ADK: variants seen among roughly 807,000 people sequenced by gnomAD.
ADK encodes the protein adenosine kinase.
ADK carries 24 observed loss-of-function variants against 44.7 expected under a neutral mutation model. The ratio of observed to expected loss-of-function variants is 0.54; its 90% CI spans 0.39 to 0.76. The LOEUF is 0.76. ADK is among the 30% of genes least tolerant of loss of function. The probability of loss-of-function intolerance (pLI) is 0.00; values close to 1 mark genes in which losing one functional copy is unlikely to be tolerated. For missense variants in ADK, 321 were observed against 425.1 expected (o/e 0.76, Z 2.15); for synonymous variants, 128 against 142.6 (o/e 0.90, Z 0.73).
intron 3 of ADK, among the ~76,000 whole-genome samples, chr10:74,255,499 A>G (rs1028992954): frequency 6.6e-6 from 1 of 152,210 alleles, no homozygotes; most frequent in Non-Finnish European, 1.5e-5. Context: ...CAAGGAGTCT[A>G]TCTTGTCAAT....
intron 1 of ADK, among the ~76,000 whole-genome samples, chr10:74,160,710 T>C (rs1315799923): frequency 6.7e-6 from 1 of 149,710 alleles, no homozygotes; most frequent in East Asian, 2.0e-4. Context: ...TGTGTGTGTG[T>C]GTGTGTGTAT....
intron 7 of ADK, among the ~76,000 whole-genome samples, chr10:74,571,467 C>T (rs1269328319): frequency 6.6e-6 from 1 of 152,170 alleles, no homozygotes; most frequent in Admixed American, 6.5e-5. Context: ...AATTTCAGAG[C>T]CTGTTATTCG....
intron 9 of ADK, among the ~76,000 whole-genome samples, chr10:74,617,780 C>T (rs1852832930): frequency 6.6e-6 from 1 of 151,822 alleles, no homozygotes; most frequent in Non-Finnish European, 1.5e-5. Context: ...TTTGAAGAGA[C>T]GAGGTCTCAC....
At chr10:74,190,242 C>T (rs1842914196) in intron 1 of ADK, among the ~76,000 whole-genome samples, 2 of 152,202 alleles carry the variant, frequency 1.3e-5, no homozygotes, top group African/African-American at 4.8e-5. Context: ...CTTGTCAATA[C>T]TTGTTACTGT....
chr10:74,480,584 C>A (rs1847032764), intron 6 of ADK, among the ~76,000 whole-genome samples: 1 of 151,964 alleles, frequency 6.6e-6, no homozygotes, highest in Non-Finnish European at 1.5e-5. Flanking sequence ...CAGTCCCTAG[C>A]CTAATTTTCT....
intron 6 of ADK, among the ~76,000 whole-genome samples, chr10:74,484,123 TAGAA>T (rs1847181232): frequency 6.6e-6 from 1 of 152,100 alleles, no homozygotes; most frequent in Non-Finnish European, 1.5e-5. Context: ...CTGGGTACCT[TAGAA>T]AGAAAAGAGG....
At chr10:74,366,378 C>T (rs972531926) in intron 4 of ADK, among the ~76,000 whole-genome samples, 19 of 152,234 alleles carry the variant, frequency 1.2e-4, no homozygotes, top group African/African-American at 4.3e-4. Context: ...AAGTAGCCTT[C>T]ATTGGTTGAT....
At chr10:74,685,158 T>G (rs1277814981) in intron 10 of ADK, among the ~76,000 whole-genome samples, 2 of 151,996 alleles carry the variant, frequency 1.3e-5, no homozygotes, top group Admixed American at 6.6e-5. Flanking sequence ...AACTGGAAAT[T>G]TATTAAAAAT....
At chr10:74,498,636 A>G (rs1455266484) in intron 6 of ADK, among the ~76,000 whole-genome samples, 1 of 152,172 alleles carries the variant, frequency 6.6e-6, no homozygotes, top group Non-Finnish European at 1.5e-5. Context: ...TTAACTTGTC[A>G]TTTAACATTA....
chr10:74,420,062 T>A (rs1317746662), intron 6 of ADK, among the ~76,000 whole-genome samples: 1 of 152,158 alleles, frequency 6.6e-6, no homozygotes, highest in Admixed American at 6.5e-5. Flanking sequence ...AGCTAAAATC[T>A]TAAAGTTCTT....
At chr10:74,447,647 C>T (rs769226842) in intron 6 of ADK, among the ~76,000 whole-genome samples, 3 of 152,070 alleles carry the variant, frequency 2.0e-5, no homozygotes, top group Non-Finnish European at 2.9e-5. Flanking sequence ...CTGAAGGCTT[C>T]GCTAATAATC....
intron 1 of ADK, among the ~76,000 whole-genome samples, chr10:74,156,326 A>G (rs539201316): frequency 2.6e-4 from 39 of 152,184 alleles, no homozygotes; most frequent in Non-Finnish European, 4.7e-4. Context: ...ACTTCCATCA[A>G]TTAAAATCCT....
At chr10:74,538,955 G>T (rs966625787) in intron 7 of ADK, among the ~76,000 whole-genome samples, 16 of 152,186 alleles carry the variant, frequency 1.1e-4, no homozygotes, top group African/African-American at 3.6e-4. Flanking sequence ...GTGAATCTAT[G>T]TGTAATTATG....
intron 6 of ADK, among the ~76,000 whole-genome samples, chr10:74,449,788 T>C (rs1311764932): frequency 6.6e-6 from 1 of 152,226 alleles, no homozygotes; most frequent in African/African-American, 2.4e-5. Flanking sequence ...ATCTCGAGAA[T>C]ACTAGACTGT....
At chr10:74,616,522 G>A (rs1039489148) in intron 9 of ADK, among the ~76,000 whole-genome samples, 4 of 152,210 alleles carry the variant, frequency 2.6e-5, no homozygotes, top group African/African-American at 9.6e-5. Flanking sequence ...CCTTTGTCAT[G>A]TTTCAGATGA....
intron 3 of ADK, among the ~76,000 whole-genome samples, chr10:74,293,596 A>T (rs1308281609): frequency 6.6e-6 from 1 of 152,038 alleles, no homozygotes. Flanking sequence ...TATATCTTAT[A>T]GTTACTCTTT....
intron 6 of ADK, among the ~76,000 whole-genome samples, chr10:74,475,602 G>A (rs751799716): frequency 1.2e-4 from 18 of 152,038 alleles, no homozygotes; most frequent in Non-Finnish European, 2.4e-4. Context: ...AGCTACTTGG[G>A]AGGTTTAGGC....
intron 7 of ADK, among the ~76,000 whole-genome samples, chr10:74,557,899 G>A (rs1050076067): frequency 1.3e-5 from 2 of 152,178 alleles, no homozygotes; most frequent in African/African-American, 4.8e-5. Flanking sequence ...GAAAGGCTTT[G>A]TCTAAAAACT....
chr10:74,436,118 A>G (rs1358972361), intron 6 of ADK, among the ~76,000 whole-genome samples: 3 of 152,226 alleles, frequency 2.0e-5, no homozygotes, highest in African/African-American at 7.2e-5. Context: ...ACTTATTAGA[A>G]TGTAATGTAT....
Sources: gnomAD v4.1 joint callset for allele counts (sites outside exome capture counted in the v4.1 genomes callset) on GRCh38, gnomAD v4.1.1 for gene constraint, MANE v1.5 for transcripts, NCBI Gene and HGNC (gene_info 2026-07-23, HGNC 2026-07-21) for gene names.